SRD5A2: variants seen among roughly 807,000 people sequenced by gnomAD.
SRD5A2 encodes the protein steroid 5 alpha-reductase 2.
A neutral mutation model predicts 27.4 loss-of-function variants in SRD5A2; 30 were observed. The observed-to-expected ratio is 1.10, with a 90% CI of 0.82 to 1.49. SRD5A2 has a LOEUF of 1.49. SRD5A2 is among the 40% of genes most tolerant of loss of function. SRD5A2 has a pLI of 0.00. For missense variants in SRD5A2, 348 were observed against 323.4 expected, an observed-to-expected ratio of 1.08 and a Z score of -0.58; for synonymous variants, 141 against 133.6, an observed-to-expected ratio of 1.06 and a Z score of -0.38.
At chr2:31,616,778 G>C in the SRD5A2 span, among the ~76,000 whole-genome samples, 2 of 152,174 alleles carry the variant, frequency 1.3e-5, no homozygotes, top group African/African-American at 2.4e-5. Flanking sequence ...TAAGACTTTG[G>C]GGGGCTGTTG....
At chr2:31,635,046 C>A in the SRD5A2 span, among the ~76,000 whole-genome samples, 4 of 152,006 alleles carry the variant, frequency 2.6e-5, no homozygotes, top group Non-Finnish European at 4.4e-5. Flanking sequence ...CAGATAAGAC[C>A]CCAGTACTGG....
At chr2:31,615,272 G>T in the SRD5A2 span, among the ~76,000 whole-genome samples, 2 of 152,186 alleles carry the variant, frequency 1.3e-5, no homozygotes, top group African/African-American at 4.8e-5. Flanking sequence ...AGGTTGGAGG[G>T]CTAAGAAGAA....
chr2:31,619,715 T>G, the SRD5A2 span, among the ~76,000 whole-genome samples: 1 of 152,148 alleles, frequency 6.6e-6, no homozygotes, highest in Non-Finnish European at 1.5e-5. Flanking sequence ...TTTCATATGA[T>G]TGTTGGCCAT....
the SRD5A2 span, among the ~76,000 whole-genome samples, chr2:31,597,271 T>A: frequency 6.6e-6 from 1 of 151,958 alleles, no homozygotes; most frequent in Admixed American, 6.6e-5. Flanking sequence ...GCAAACCACA[T>A]GTAGAAGAAT....
At chr2:31,628,525 G>A in the SRD5A2 span, among the ~76,000 whole-genome samples, 1 of 152,062 alleles carries the variant, frequency 6.6e-6, no homozygotes, top group Non-Finnish European at 1.5e-5. Context: ...ATTGTTAGCT[G>A]GTTATTATGC....
intron 1 of SRD5A2, among the ~76,000 whole-genome samples, chr2:31,573,748 T>A (rs910824468): frequency 3.3e-5 from 5 of 152,170 alleles, no homozygotes; most frequent in Admixed American, 2.0e-4. Flanking sequence ...AGCTCAGCCC[T>A]TCTGCTGTCT....
the SRD5A2 span, among the ~76,000 whole-genome samples, chr2:31,642,555 T>G: frequency 6.6e-6 from 1 of 152,172 alleles, no homozygotes; most frequent in Admixed American, 6.5e-5. Flanking sequence ...ACACATTTAC[T>G]AGAATGTCTG....
chr2:31,581,854 C>T (rs1051564686), upstream of SRD5A2, among the ~76,000 whole-genome samples: 1 of 152,196 alleles, frequency 6.6e-6, no homozygotes, highest in African/African-American at 2.4e-5. Flanking sequence ...TCCTGTCTAG[C>T]CGTCATACAC....
chr2:31,659,226 T>C, the SRD5A2 span, among the ~76,000 whole-genome samples: 1 of 152,184 alleles, frequency 6.6e-6, no homozygotes, highest in African/African-American at 2.4e-5. Context: ...GCCAACATTA[T>C]ATTGAATAGG....
At chr2:31,583,324 C>G (rs540776232), upstream of SRD5A2, among the ~76,000 whole-genome samples, 1 of 152,316 alleles carries the variant, frequency 6.6e-6, no homozygotes, top group East Asian at 1.9e-4. Flanking sequence ...CCCTTACTTC[C>G]TATTTATTGT....
At chr2:31,645,762 C>T in the SRD5A2 span, among the ~76,000 whole-genome samples, 1 of 152,126 alleles carries the variant, frequency 6.6e-6, no homozygotes, top group African/African-American at 2.4e-5. Context: ...GCAGCACCTA[C>T]CTAGCACCTG....
the SRD5A2 span, among the ~76,000 whole-genome samples, chr2:31,603,368 G>C: frequency 6.6e-6 from 1 of 151,992 alleles, no homozygotes; most frequent in Non-Finnish European, 1.5e-5. Flanking sequence ...TCTCATGCCA[G>C]TCAGAATGGC....
At chr2:31,631,569 C>G in the SRD5A2 span, among the ~76,000 whole-genome samples, 1 of 152,074 alleles carries the variant, frequency 6.6e-6, no homozygotes, top group Non-Finnish European at 1.5e-5. Context: ...TCCTGTCAGA[C>G]TTGAAGCAAA....
At chr2:31,612,032 C>T in the SRD5A2 span, among the ~76,000 whole-genome samples, 2 of 152,094 alleles carry the variant, frequency 1.3e-5, no homozygotes, top group Non-Finnish European at 2.9e-5. Flanking sequence ...AATCCCAGCA[C>T]TTTGGGAGGC....
intron 1 of SRD5A2, among the ~76,000 whole-genome samples, chr2:31,539,780 G>T (rs1666094509): frequency 1.3e-5 from 2 of 152,128 alleles, no homozygotes; most frequent in Admixed American, 1.3e-4. Flanking sequence ...GGAGGTGAAA[G>T]GAAACATTCC....
chr2:31,639,749 CT>C, the SRD5A2 span, among the ~76,000 whole-genome samples: 1 of 151,944 alleles, frequency 6.6e-6, no homozygotes, highest in Non-Finnish European at 1.5e-5. Flanking sequence ...TTATTTGCAT[CT>C]TTTCTTTTGC....
intron 1 of SRD5A2, among the ~76,000 whole-genome samples, chr2:31,541,839 G>A (rs1354463380): frequency 6.6e-6 from 1 of 152,176 alleles, no homozygotes; most frequent in East Asian, 1.9e-4. Context: ...ACAATGGAAA[G>A]TAAAGCTGGG....
chr2:31,581,366 C>T (rs1667080698), upstream of SRD5A2, among the ~76,000 whole-genome samples: 1 of 152,264 alleles, frequency 6.6e-6, no homozygotes, highest in East Asian at 1.9e-4. Context: ...CCATCTCCTC[C>T]GGTTCCTCAT....
At chr2:31,565,774 C>T (rs533720513) in intron 1 of SRD5A2, among the ~76,000 whole-genome samples, 88 of 152,092 alleles carry the variant, frequency 5.8e-4, no homozygotes, top group Non-Finnish European at 9.4e-4. Context: ...TATCTCAATA[C>T]TCTTCTCTCA....
Sources: gnomAD v4.1 joint callset for allele counts (sites outside exome capture counted in the v4.1 genomes callset) on GRCh38, gnomAD v4.1.1 for gene constraint, MANE v1.5 for transcripts, NCBI Gene and HGNC (gene_info 2026-07-23, HGNC 2026-07-21) for gene names.